ARHGAP1: variants seen among roughly 807,000 people sequenced by gnomAD.
ARHGAP1 encodes the protein Rho GTPase activating protein 1, also known as rho GTPase-activating protein 1.
In ARHGAP1, 23 loss-of-function variants were observed where a neutral mutation model predicts 52.2. The observed-to-expected ratio is 0.44, with a 90% CI of 0.32 to 0.62. ARHGAP1 has a LOEUF of 0.62. Ranked by LOEUF, ARHGAP1 falls within the 20% of genes least tolerant of loss-of-function variation. The pLI is 0.05. For synonymous variants in ARHGAP1, 210 were observed against 228.4 expected, an observed-to-expected ratio of 0.92 and a Z score of 0.73; for missense variants, 480 against 560.9, an observed-to-expected ratio of 0.86 and a Z score of 1.46.
chr11:46,685,329 C>CTT (rs56789699), intron 4 of ARHGAP1, among the ~76,000 whole-genome samples: 49 of 135,730 alleles, frequency 3.6e-4, no homozygotes, highest in Middle Eastern at 3.9e-3. Flanking sequence ...CATGTATATT[C>CTT]TTTTTTTTTT....
intron 1 of ARHGAP1, among the ~76,000 whole-genome samples, chr11:46,698,160 C>T (rs922624915): frequency 1.3e-5 from 2 of 152,206 alleles, no homozygotes; most frequent in Admixed American, 6.5e-5. Context: ...ATCATCCTGC[C>T]TAAGCCAGTG....
intron 4 of ARHGAP1, among the ~76,000 whole-genome samples, chr11:46,685,532 G>A (rs887936369): frequency 4.0e-5 from 6 of 151,696 alleles, no homozygotes; most frequent in African/African-American, 1.5e-4. Context: ...TTGCCATGTT[G>A]GTCAGGCTGG....
At position 46,696,939 on chromosome 11, in the gene ARHGAP1, C is replaced by G. The variant is rs2064659239; in HGVS notation, c.-49-783G>C. 1 of 152,290 alleles carries G rather than the reference C, an allele frequency of 6.6e-6. No individual in the cohort carries two copies. Among genetic ancestry groups the G allele is most frequent in the African/African-American group, 2.4e-5 (1 of 41,456 alleles). 9.4% of individuals were successfully genotyped at this position (152,290 alleles called of 1,614,324 possible). ...AGCTGGGCTTGCTCCAGGACAGGAA[C>G]TAGCAGCAGGGGATGTGGAATCGCC... On this transcript the variant is annotated intron_variant, in intron 1 of 12. Coordinates refer to ENST00000311956, the MANE Select transcript of ARHGAP1 (RefSeq NM_004308.5). The surrounding 1 kb of genome is among the most constrained non-coding windows in gnomAD (Gnocchi z 4.8).
chr11:46,691,961 A>G (rs544037553), intron 3 of ARHGAP1, among the ~76,000 whole-genome samples: 6 of 152,342 alleles, frequency 3.9e-5, no homozygotes, highest in African/African-American at 1.4e-4. Context: ...AAAGCTCAGG[A>G]CAGAACGTCT....
Position 46,696,220 on chromosome 11 carries a change from C to A in ARHGAP1, c.-49-64G>T. ...CTCTTTTCACCTTCTGCGACCTCCA[C>A]CGCGTGCCCTCCTGCCCCCACCATT... is the stretch of plus-strand genomic sequence containing the variant. On this transcript the variant is annotated intron_variant, in intron 1 of 12. Coordinates refer to ENST00000311956, the MANE Select transcript of ARHGAP1 (RefSeq NM_004308.5). The surrounding 1 kb of genome is among the most constrained non-coding windows in gnomAD (Gnocchi z 4.8). 2 of 1,197,852 alleles carry A rather than the reference C, an allele frequency of 1.7e-6. No homozygotes were observed. Among genetic ancestry groups the A allele is most frequent in the South Asian group, 3.0e-5 (2 of 67,642 alleles). 74.2% of individuals were successfully genotyped at this position (1,197,852 alleles called of 1,614,324 possible).
At chr11:46,685,043 G>A (rs1209807790) in intron 4 of ARHGAP1, among the ~76,000 whole-genome samples, 2 of 147,698 alleles carry the variant, frequency 1.4e-5, no homozygotes, top group Admixed American at 6.8e-5. Flanking sequence ...AGCCAACATC[G>A]TGCCACTGCA....
In ARHGAP1 at chr11:46,677,924, C is replaced by CA. The variant is rs1401608969; in HGVS notation, c.*1112dup. 2.3e-6 allele frequency: 1 copy of CA among 430,050 alleles called. No homozygotes were observed. The highest frequency in any genetic ancestry group is 4.6e-6 in the Non-Finnish European group (1 of 218,510). 26.6% of individuals were successfully genotyped at this position (430,050 alleles called of 1,614,324 possible). ...GCGCCACTGCACTCCAGCCTGGTGA[C>CA]AGAGCGAGACTCCATCTCAGAAAAA... is the stretch of plus-strand genomic sequence containing the variant. On this transcript the variant is annotated 3_prime_UTR_variant, in exon 13 of 13. Transcript: ENST00000311956.
intron 3 of ARHGAP1, among the ~76,000 whole-genome samples, chr11:46,689,498 C>A (rs766868444): frequency 9.2e-5 from 14 of 152,092 alleles, no homozygotes; most frequent in Non-Finnish European, 2.1e-4. Flanking sequence ...TTGTACACTG[C>A]AAACTGATGA....
intron 4 of ARHGAP1, among the ~76,000 whole-genome samples, chr11:46,682,842 TC>T (rs2064539374): frequency 6.6e-6 from 1 of 152,168 alleles, no homozygotes; most frequent in South Asian, 2.1e-4. Context: ...ATGATGACAG[TC>T]ACCATTTCTC....
intron 3 of ARHGAP1, among the ~76,000 whole-genome samples, chr11:46,691,073 A>G (rs2064610817): frequency 6.6e-6 from 1 of 151,870 alleles, no homozygotes; most frequent in Non-Finnish European, 1.5e-5. Context: ...CAATTTTTTG[A>G]GACAGAATCT....
At position 46,681,832 on chromosome 11, in the gene ARHGAP1, G is replaced by A. The variant is rs1307263500; in HGVS notation, c.449+219C>T. On this transcript the variant is annotated intron_variant, in intron 5 of 12. Transcript: ENST00000311956. This position sits in a 1 kb window ranked among gnomAD's most constrained non-coding sequence, Gnocchi z 5.7. Reference sequence around the variant, plus strand: ...GATTAGAAAACAGGAGGCTCAAAGAGGTTAAGTAAAACAAGAGGTCAGAGT... The same window carrying A: ...GATTAGAAAACAGGAGGCTCAAAGAAGTTAAGTAAAACAAGAGGTCAGAGT... Among the ~76,000 whole-genome samples the A allele has an allele frequency of 6.6e-6, 1 of 152,192 alleles. No individual in the cohort carries two copies. The highest frequency in any genetic ancestry group is 1.5e-5 in the Non-Finnish European group (1 of 68,040).
chr11:46,682,647 G>A (rs1298924591), intron 4 of ARHGAP1, among the ~76,000 whole-genome samples: 1 of 152,182 alleles, frequency 6.6e-6, no homozygotes, highest in Non-Finnish European at 1.5e-5. Flanking sequence ...TTGTGGCACT[G>A]TACTCCAGCC....
At position 46,692,309 on chromosome 11, in the gene ARHGAP1, C is replaced by T. The variant is rs144012524; in HGVS notation, c.229+3351G>A. Among the ~76,000 whole-genome samples, 3 of 152,294 alleles carry T rather than the reference C, an allele frequency of 2.0e-5. 1 individual carries two copies. In the East Asian group the frequency reaches 5.8e-4, roughly 29 times the overall value. ...GCCTGGGAAGAGGGGGCCTCATCTG[C>T]CTACCTCCTTCTAAGCGAGGAAATA... On this transcript the variant is annotated intron_variant, in intron 3 of 12. Coordinates refer to ENST00000311956, the MANE Select transcript of ARHGAP1 (RefSeq NM_004308.5).
chr11:46,688,315 G>A, intron 3 of ARHGAP1, 55 bp from the exon 4 acceptor site: 11 of 1,540,426 alleles, frequency 7.1e-6, no homozygotes, highest in Non-Finnish European at 8.0e-6. Context: ...AAAAGAAGTG[G>A]GGTGAGGAAC....
At position 46,695,643 on chromosome 11, in the gene ARHGAP1, G is replaced by A. The variant is rs2064646397; in HGVS notation, c.229+17C>T. ...AGGAGCTCTGAGGGTTAGGAAAATAGTGTTGGGTGTGCTTACCTGCCACCT... is the reference window on the plus strand; with the variant it reads ...AGGAGCTCTGAGGGTTAGGAAAATAATGTTGGGTGTGCTTACCTGCCACCT... On this transcript the variant is annotated intron_variant, in intron 3 of 12. Transcript: ENST00000311956. 1.3e-6 allele frequency: 2 copies of A among 1,550,494 alleles called. No homozygotes were observed. Among genetic ancestry groups the A allele is most frequent in the Non-Finnish European group, 1.7e-6 (2 of 1,145,960 alleles).
intron 4 of ARHGAP1, among the ~76,000 whole-genome samples, chr11:46,685,364 G>C (rs933902973): frequency 5.9e-4 from 81 of 136,416 alleles, no homozygotes; most frequent in African/African-American, 1.9e-3. Context: ...TTTCACTCTT[G>C]TTGCCCAGGG....
chr11:46,689,356 G>A (rs918144485), intron 3 of ARHGAP1, among the ~76,000 whole-genome samples: 1 of 152,142 alleles, frequency 6.6e-6, no homozygotes. Flanking sequence ...CAGGTACTGG[G>A]AGGAGTGGGG....
Position 46,679,165 on chromosome 11 carries a change from G to A in ARHGAP1, c.1192C>T (p.Pro398Ser), listed in dbSNP as rs2064503899. 1 of 1,613,550 alleles carries A rather than the reference G, an allele frequency of 6.2e-7. No individual in the cohort carries two copies. Residue 398 changes from proline to serine, a missense_variant, in exon 13 of 13, where the codon CCT becomes TCT. Transcript: ENST00000311956. This position sits in a 1 kb window ranked among gnomAD's most constrained non-coding sequence, Gnocchi z 4.4. ...GCATCCTTGGCCCACAGCAGGTTAG[G>A]GCCGAAAACAACAGCCAGGTTAGTG... Reference protein sequence around the residue: ...TNTNLAVVFGPNLLWAKDAAI... With the variant: ...TNTNLAVVFGSNLLWAKDAAI...
rs1003549745 is a variant in ARHGAP1 at position 46,696,282 on chromosome 11, T to C, written c.-49-126A>G. 50 of 637,210 alleles carry C rather than the reference T, an allele frequency of 7.8e-5. No homozygotes were observed. The South Asian group carries it at 8.0e-4, about 10-fold the overall frequency. The allele number at this position is 637,210 out of a possible 1,614,324, so 39.5% of individuals were successfully genotyped here. ...GCTCCCTGTCCCTATTCCTCAACACTCCTCATCCCCGCCAAGAGCTCCACG... is the reference window on the plus strand; with the variant it reads ...GCTCCCTGTCCCTATTCCTCAACACCCCTCATCCCCGCCAAGAGCTCCACG... On this transcript the variant is annotated intron_variant, in intron 1 of 12. Coordinates refer to ENST00000311956, the MANE Select transcript of ARHGAP1 (RefSeq NM_004308.5). This position sits in a 1 kb window ranked among gnomAD's most constrained non-coding sequence, Gnocchi z 4.8.
Sources: allele counts gnomAD v4.1 joint callset (sites outside exome capture counted in the v4.1 genomes callset), GRCh38; gene constraint gnomAD v4.1.1; non-coding constraint Gnocchi (gnomAD v3.1); transcripts MANE v1.5; gene names NCBI Gene and HGNC (gene_info 2026-07-23, HGNC 2026-07-21).